Variants in KDM2B observed in about 807,000 individuals in gnomAD.
KDM2B encodes the protein lysine demethylase 2B, also known as lysine-specific demethylase 2B.
In KDM2B, 26 loss-of-function variants were observed where a neutral mutation model predicts 150.0. The ratio of observed to expected loss-of-function variants is 0.17; its 90% CI spans 0.13 to 0.24. The LOEUF (loss-of-function observed/expected upper bound fraction) is 0.24, where lower values mean the gene tolerates loss of function less well. Among genes scored for constraint, KDM2B ranks in the 10% least tolerant of loss-of-function variants. The pLI, the probability that KDM2B is intolerant of heterozygous loss-of-function variation, is 1.00. For synonymous variants in KDM2B, 734 were observed against 729.5 expected (o/e 1.01, Z -0.10); for missense variants, 1,265 against 1,816.9 (o/e 0.70, Z 5.52).
intron 4 of KDM2B, among the ~76,000 whole-genome samples, chr12:121,559,571 G>A (rs1890183320): frequency 6.6e-6 from 1 of 152,132 alleles, no homozygotes; most frequent in Non-Finnish European, 1.5e-5. Context: ...GGCAGGAGAT[G>A]TAGGGAGAAT....
At chr12:121,412,717 G>A in the KDM2B span, among the ~76,000 whole-genome samples, 1 of 141,642 alleles carries the variant, frequency 7.1e-6, no homozygotes, top group African/African-American at 2.7e-5. Context: ...GAATCTAGAT[G>A]TTCATGCTTT....
chr12:121,577,925 A>C (rs1488014514), intron 2 of KDM2B, among the ~76,000 whole-genome samples: 1 of 152,046 alleles, frequency 6.6e-6, no homozygotes, highest in African/African-American at 2.4e-5. Flanking sequence ...GGTGACCCCC[A>C]CCACCCTCCT....
chr12:121,566,185 CTG>C (rs1890693371), intron 4 of KDM2B, among the ~76,000 whole-genome samples: 1 of 152,108 alleles, frequency 6.6e-6, no homozygotes, highest in African/African-American at 2.4e-5. Context: ...GCTAAATAGT[CTG>C]TGTTAAAATT....
chr12:121,442,342 G>C lies in KDM2B; in HGVS notation c.3099C>G (p.Pro1033=). 2 of 1,597,498 alleles carry C rather than the reference G, an allele frequency of 1.3e-6. No individual in the cohort carries two copies. Among genetic ancestry groups the C allele is most frequent in the South Asian group, 1.1e-5 (1 of 89,276 alleles). Residue 1033 remains proline, a synonymous_variant, in exon 19 of 23, where the codon CCC becomes CCG. Transcript: ENST00000377071. This position sits in a 1 kb window ranked among gnomAD's most constrained non-coding sequence, Gnocchi z 7.7. The stretch of plus-strand genomic sequence containing the variant: ...CATGGCGCTCCATCTGGATACACTT[G>C]GGCGGGGACACGGAGGGTGGGGGCC... ...ISRPPPSVSP[P]KCIQMERHVI... is the part of the protein sequence containing the mutation.
chr12:121,437,541 AAAGC>A (rs1375209745), intron 22 of KDM2B, among the ~76,000 whole-genome samples: 1 of 152,184 alleles, frequency 6.6e-6, no homozygotes, highest in Non-Finnish European at 1.5e-5. Flanking sequence ...ATGGGCTGCC[AAAGC>A]AAGCACTAGG....
chr12:121,487,188 C>T (rs1382215489), intron 12 of KDM2B, among the ~76,000 whole-genome samples: 1 of 152,012 alleles, frequency 6.6e-6, no homozygotes, highest in Non-Finnish European at 1.5e-5. Flanking sequence ...AAAGAAAGAA[C>T]GAAAGAACTG....
At chr12:121,434,964 G>T (rs1368060398) in intron 22 of KDM2B, among the ~76,000 whole-genome samples, 1 of 137,966 alleles carries the variant, frequency 7.2e-6, no homozygotes, top group Non-Finnish European at 1.6e-5. Flanking sequence ...GTTGAAAAAA[G>T]AAAATGGGAA....
intron 6 of KDM2B, among the ~76,000 whole-genome samples, chr12:121,540,036 C>T (rs1326549095): frequency 6.6e-6 from 1 of 152,138 alleles, no homozygotes; most frequent in African/African-American, 2.4e-5. Context: ...CACCGCAGCT[C>T]GCCTAACCCT....
chr12:121,417,784 C>G, the KDM2B span: 1 of 1,614,156 alleles, frequency 6.2e-7, no homozygotes, highest in Non-Finnish European at 8.5e-7. This position sits in a 1 kb window ranked among gnomAD's most constrained non-coding sequence, Gnocchi z 5.0. Context: ...TCTTCAAGGT[C>G]CCAGACTTCT....
chr12:121,413,020 A>AT, the KDM2B span, among the ~76,000 whole-genome samples: 8 of 133,786 alleles, frequency 6.0e-5, no homozygotes, highest in South Asian at 4.7e-4. Context: ...TGCCCAGGCT[A>AT]TTTTTTTTTT....
chr12:121,556,554 T>C (rs1889914811), intron 4 of KDM2B, among the ~76,000 whole-genome samples: 1 of 152,110 alleles, frequency 6.6e-6, no homozygotes. Flanking sequence ...CCTTTCTTTA[T>C]AAATAATCCA....
At chr12:121,417,750 G>A in the KDM2B span, 11 of 1,614,040 alleles carry the variant, frequency 6.8e-6, no homozygotes, top group Admixed American at 5.0e-5. The surrounding 1 kb of genome is among the most constrained non-coding windows in gnomAD (Gnocchi z 5.0). Context: ...CTCTGAGGAC[G>A]ACATGGACAC....
chr12:121,442,945 C>A lies in KDM2B; in HGVS notation c.2604+47G>T. On this transcript the variant is annotated intron_variant, in intron 18 of 22. Coordinates refer to ENST00000377071, the MANE Select transcript of KDM2B (RefSeq NM_032590.5). This position sits in a 1 kb window ranked among gnomAD's most constrained non-coding sequence, Gnocchi z 7.7. ...TGTGGCCCAGGGAGCTGCGGTGCAG[C>A]TCTAACCGCTCAGGCCTGGGGCACA... 1 of 1,608,828 alleles carries A rather than the reference C, an allele frequency of 6.2e-7. No individual in the cohort carries two copies.
At chr12:121,565,317 C>CTT (rs879950091) in intron 4 of KDM2B, among the ~76,000 whole-genome samples, 1 of 142,856 alleles carries the variant, frequency 7.0e-6, no homozygotes. Flanking sequence ...GGGGAAAGGA[C>CTT]TTTTTTTTTT....
At chr12:121,497,822 T>C (rs1593954203) in intron 11 of KDM2B, among the ~76,000 whole-genome samples, 1 of 151,144 alleles carries the variant, frequency 6.6e-6, no homozygotes, top group African/African-American at 2.4e-5. Flanking sequence ...CTCTGGCCAG[T>C]TGCGGTGGCT....
chr12:121,427,713 G>A (rs1872577011), downstream of KDM2B, among the ~76,000 whole-genome samples: 1 of 133,362 alleles, frequency 7.5e-6, no homozygotes, highest in African/African-American at 2.4e-5. Flanking sequence ...CCATGTGGTG[G>A]CTTGGATCCC....
intron 6 of KDM2B, 73 bp downstream of exon 6, chr12:121,548,804 C>T: frequency 1.7e-6 from 2 of 1,170,206 alleles, no homozygotes; most frequent in Non-Finnish European, 2.6e-6. Context: ...CAGGAGCCTC[C>T]TTCCCACCTC....
chr12:121,423,910 T>G, the KDM2B span: 1 of 226,914 alleles, frequency 4.4e-6, no homozygotes, highest in African/African-American at 2.3e-5. The surrounding 1 kb of genome is among the most constrained non-coding windows in gnomAD (Gnocchi z 4.3). Flanking sequence ...TTCCCCTTCA[T>G]CCTATTTTTA....
At chr12:121,483,886 A>G (rs1882445893) in intron 12 of KDM2B, among the ~76,000 whole-genome samples, 1 of 151,998 alleles carries the variant, frequency 6.6e-6, no homozygotes, top group South Asian at 2.1e-4. Context: ...GATTGACAAA[A>G]CGTAAACAGG....
Sources: allele counts gnomAD v4.1 joint callset (sites outside exome capture counted in the v4.1 genomes callset), GRCh38; gene constraint gnomAD v4.1.1; non-coding constraint Gnocchi (gnomAD v3.1); transcripts MANE v1.5; gene names NCBI Gene and HGNC (gene_info 2026-07-23, HGNC 2026-07-21).